The following KIAA0825 variants were observed in gnomAD, a reference collection of about 807,000 sequenced individuals.
KIAA0825 encodes the protein uncharacterized protein KIAA0825.
KIAA0825 carries 119 observed loss-of-function variants against 147.6 expected under a neutral mutation model. The ratio of observed to expected loss-of-function variants is 0.81; its 90% CI spans 0.69 to 0.94. The LOEUF is 0.94. Among genes scored for constraint, KIAA0825 ranks in the 40% least tolerant of loss-of-function variants. The pLI is 0.00. For synonymous variants in KIAA0825, 470 were observed against 518.1 expected (o/e 0.91, Z 1.26); for missense variants, 1,381 against 1,472.7 (o/e 0.94, Z 1.02).
chr5:94,317,696 G>A (rs1179992721), intron 20 of KIAA0825, among the ~76,000 whole-genome samples: 1 of 151,826 alleles, frequency 6.6e-6, no homozygotes, highest in African/African-American at 2.4e-5. Context: ...ATGAAACAGG[G>A]ATCATAATAT....
At chr5:94,507,317 GC>G (rs1400787110) in intron 5 of KIAA0825, among the ~76,000 whole-genome samples, 7 of 152,094 alleles carry the variant, frequency 4.6e-5, no homozygotes, top group Admixed American at 3.3e-4. Context: ...GCTTAGTGGT[GC>G]ACACCTGTAG....
In KIAA0825 at chr5:94,396,650, C is replaced by CT. The variant is rs1750693975; in HGVS notation, c.2888-142dup. On this transcript the variant is annotated intron_variant, in intron 16 of 20. Transcript: ENST00000682413. ...GTGCCTGACATATTCCAACAGAACT[C>CT]TAACCGGGGTCTCTCGCAGTACTAC... 7.1e-6 allele frequency: 4 copies of CT among 566,124 alleles called. No homozygotes were observed. In the Admixed American group the frequency reaches 1.5e-4, roughly 21 times the overall value. The allele number at this position is 566,124 out of a possible 1,614,324, so 35.1% of individuals were successfully genotyped here. A position where few individuals can be genotyped will look rare whatever the true frequency, so the allele number is the denominator to read the frequency against.
chr5:94,542,495 T>A (rs1773531397), intron 2 of KIAA0825, among the ~76,000 whole-genome samples: 1 of 152,206 alleles, frequency 6.6e-6, no homozygotes, highest in Non-Finnish European at 1.5e-5. Flanking sequence ...AATATAGTTA[T>A]TTGCATAAGT....
intron 1 of KIAA0825, among the ~76,000 whole-genome samples, chr5:94,610,785 A>ATAT (rs1475471665): frequency 8.3e-6 from 1 of 121,164 alleles, no homozygotes; most frequent in African/African-American, 3.7e-5. Flanking sequence ...AAAAAAAAAA[A>ATAT]AGTATATATA....
chr5:94,512,430 A>T (rs1766622014), intron 5 of KIAA0825, among the ~76,000 whole-genome samples: 1 of 152,074 alleles, frequency 6.6e-6, no homozygotes, highest in Non-Finnish European at 1.5e-5. Flanking sequence ...ATATGAAACA[A>T]CAGAACTAGG....
At chr5:94,395,498 A>G (rs1336704840) in intron 17 of KIAA0825, among the ~76,000 whole-genome samples, 2 of 152,130 alleles carry the variant, frequency 1.3e-5, no homozygotes, top group Non-Finnish European at 2.9e-5. Context: ...CTCATCAGGG[A>G]CCCTTAAAAA....
chr5:94,437,940 G>C (rs773827127), intron 14 of KIAA0825, among the ~76,000 whole-genome samples: 30 of 152,138 alleles, frequency 2.0e-4, no homozygotes, highest in Non-Finnish European at 3.7e-4. Flanking sequence ...TTACTGGACT[G>C]TTTATGTAAA....
intron 20 of KIAA0825, among the ~76,000 whole-genome samples, chr5:94,269,632 A>G (rs953927979): frequency 6.6e-6 from 1 of 152,116 alleles, no homozygotes; most frequent in East Asian, 1.9e-4. Context: ...TGGAAACACG[A>G]CATACCAAAA....
At chr5:94,450,617 T>C (rs932707175) in intron 13 of KIAA0825, among the ~76,000 whole-genome samples, 7 of 151,886 alleles carry the variant, frequency 4.6e-5, no homozygotes, top group African/African-American at 1.7e-4. Context: ...GTAATACTAA[T>C]CCATTTAAGA....
chr5:94,497,099 T>C (rs1035604488), intron 5 of KIAA0825, among the ~76,000 whole-genome samples: 1 of 152,196 alleles, frequency 6.6e-6, no homozygotes, highest in African/African-American at 2.4e-5. Context: ...ATATGTTGTT[T>C]CCAATCTTAA....
At chr5:94,269,237 C>A (rs761447370) in intron 20 of KIAA0825, among the ~76,000 whole-genome samples, 6 of 151,978 alleles carry the variant, frequency 3.9e-5, no homozygotes, top group Non-Finnish European at 7.4e-5. Context: ...TATTTGAAAG[C>A]CTCATAGTAA....
rs1159649974 is a variant in KIAA0825 at position 94,369,653 on chromosome 5, A to C, written c.3710+14715T>G. On this transcript the variant is annotated intron_variant, in intron 20 of 20. Coordinates refer to ENST00000682413, the MANE Select transcript of KIAA0825 (RefSeq NM_001145678.3). Reference sequence around the variant, plus strand: ...AATGTAACTGGGGCCTGAGGCAAGGAAAATAATCAAAAATAGGAAAAAATA... The same window carrying C: ...AATGTAACTGGGGCCTGAGGCAAGGCAAATAATCAAAAATAGGAAAAAATA... 2.0e-5 allele frequency among the ~76,000 whole-genome samples: 3 copies of C among 152,226 alleles called. No individual in the cohort carries two copies. In the East Asian group the frequency reaches 5.8e-4, roughly 29 times the overall value.
At chr5:94,427,283 C>T (rs1016626576) in intron 14 of KIAA0825, among the ~76,000 whole-genome samples, 2 of 152,130 alleles carry the variant, frequency 1.3e-5, no homozygotes, top group Middle Eastern at 3.2e-3. Flanking sequence ...CCTGTAATCA[C>T]GGGACTTTGG....
intron 3 of KIAA0825, among the ~76,000 whole-genome samples, chr5:94,529,548 G>T (rs1386197435): frequency 1.3e-5 from 2 of 151,232 alleles, no homozygotes; most frequent in Non-Finnish European, 2.9e-5. Flanking sequence ...AATCTATTTT[G>T]GGGTACATAC....
At chr5:94,215,814 A>G (rs528605855) in intron 20 of KIAA0825, among the ~76,000 whole-genome samples, 2 of 151,858 alleles carry the variant, frequency 1.3e-5, no homozygotes, top group Non-Finnish European at 2.9e-5. Flanking sequence ...TCTCCTCTTA[A>G]CACTACAAAC....
chr5:94,605,401 C>T (rs1452530609), intron 1 of KIAA0825, among the ~76,000 whole-genome samples: 1 of 152,150 alleles, frequency 6.6e-6, no homozygotes, highest in Non-Finnish European at 1.5e-5. Context: ...GGTACTCCTT[C>T]CTAACTCATT....
chr5:94,445,754 T>C (rs537994841), intron 13 of KIAA0825, among the ~76,000 whole-genome samples: 3 of 152,194 alleles, frequency 2.0e-5, no homozygotes, highest in Non-Finnish European at 4.4e-5. Context: ...ATATGCTAAA[T>C]ACCTAGTTCA....
At chr5:94,247,826 A>G (rs898188127) in intron 20 of KIAA0825, among the ~76,000 whole-genome samples, 4 of 152,160 alleles carry the variant, frequency 2.6e-5, no homozygotes, top group Admixed American at 2.6e-4. Context: ...TTAATACTTT[A>G]GGATTGTAGA....
intron 20 of KIAA0825, among the ~76,000 whole-genome samples, chr5:94,240,804 G>GT (rs753682573): frequency 1.0e-3 from 156 of 152,326 alleles, no homozygotes; most frequent in Non-Finnish European, 1.8e-3. Context: ...CTCACCGTAA[G>GT]TAAATTAATC....
Sources: allele counts gnomAD v4.1 joint callset (sites outside exome capture counted in the v4.1 genomes callset), GRCh38; gene constraint gnomAD v4.1.1; transcripts MANE v1.5; gene names NCBI Gene and HGNC (gene_info 2026-07-23, HGNC 2026-07-21).